ACYP2: variants seen among roughly 807,000 people sequenced by gnomAD.
The protein encoded by ACYP2 is acylphosphatase 2.
ACYP2 carries 12 observed loss-of-function variants against 11.2 expected under a neutral mutation model. The ratio of observed to expected loss-of-function variants is 1.08; its 90% CI spans 0.69 to 1.74. The LOEUF is 1.74. ACYP2 is among the 40% of genes most tolerant of loss of function. The pLI is 0.00. For synonymous variants in ACYP2, 43 were observed against 32.2 expected (o/e 1.33, Z -1.13); for missense variants, 134 against 101.9 (o/e 1.31, Z -1.35).
chr2:53,977,030 T>C (rs1218091391), intron 2 of ACYP2, among the ~76,000 whole-genome samples: 1 of 152,148 alleles, frequency 6.6e-6, no homozygotes, highest in East Asian at 1.9e-4. Flanking sequence ...TTTTACCTTC[T>C]CATTCTAATA....
chr2:54,037,600 A>G (rs1033856081), intron 2 of ACYP2, among the ~76,000 whole-genome samples: 5 of 150,500 alleles, frequency 3.3e-5, no homozygotes, highest in Non-Finnish European at 5.9e-5. Context: ...TAGAGATGAG[A>G]TCTCACAATG....
chr2:54,000,017 G>A (rs973080933), intron 2 of ACYP2, among the ~76,000 whole-genome samples: 3 of 151,898 alleles, frequency 2.0e-5, no homozygotes, highest in African/African-American at 7.3e-5. Context: ...CTTAAATAGG[G>A]TTGGGATTTT....
chr2:54,031,733 G>T (rs1433223171), intron 2 of ACYP2, among the ~76,000 whole-genome samples: 1 of 152,122 alleles, frequency 6.6e-6, no homozygotes, highest in Non-Finnish European at 1.5e-5. Context: ...CTAGTTTACA[G>T]TCCCACCAAC....
At chr2:54,273,490 G>C (rs1007699004) in intron 6 of ACYP2, among the ~76,000 whole-genome samples, 5 of 152,144 alleles carry the variant, frequency 3.3e-5, no homozygotes, top group Non-Finnish European at 5.9e-5. Context: ...GTTTTAGACA[G>C]ATTCTGGCTC....
intron 4 of ACYP2, among the ~76,000 whole-genome samples, chr2:54,124,261 G>A (rs990424806): frequency 6.6e-6 from 1 of 151,200 alleles, no homozygotes. Flanking sequence ...ATGGCGCGAT[G>A]TGGGCTCACC....
At chr2:54,245,643 T>G (rs1208949253) in intron 6 of ACYP2, among the ~76,000 whole-genome samples, 2 of 152,184 alleles carry the variant, frequency 1.3e-5, no homozygotes, top group African/African-American at 4.8e-5. Context: ...TCCATGTATT[T>G]TTTTGGATAA....
chr2:54,181,222 T>A (rs1038333889), intron 6 of ACYP2, among the ~76,000 whole-genome samples: 1 of 152,166 alleles, frequency 6.6e-6, no homozygotes, highest in African/African-American at 2.4e-5. Context: ...ACAAGATTAT[T>A]GTGAATTGTG....
At chr2:54,135,412 G>C in intron 4 of ACYP2, 41 bp from the exon 2 acceptor site, 1 of 1,593,600 alleles carries the variant, frequency 6.3e-7, no homozygotes, top group East Asian at 2.2e-5. Context: ...CCTTTTAAAG[G>C]AGGACAAGCT....
chr2:54,221,052 T>C (rs17045684), intron 6 of ACYP2, among the ~76,000 whole-genome samples: 5,690 of 152,324 alleles, frequency 0.037, 132 homozygotes, highest in Admixed American at 0.059. Context: ...TATGCTTGCA[T>C]GGTTTGGCTT....
At chr2:54,081,279 G>A (rs1161900640) in intron 4 of ACYP2, among the ~76,000 whole-genome samples, 1 of 152,100 alleles carries the variant, frequency 6.6e-6, no homozygotes, top group Non-Finnish European at 1.5e-5. Context: ...TAAAAAGCAC[G>A]GTGTATTTGT....
At chr2:54,140,179 T>A (rs143994501) in intron 6 of ACYP2, among the ~76,000 whole-genome samples, 1 of 152,188 alleles carries the variant, frequency 6.6e-6, no homozygotes, top group Non-Finnish European at 1.5e-5. Flanking sequence ...TTTGGGACTT[T>A]CGTTGTACAG....
intron 5 of ACYP2, among the ~76,000 whole-genome samples, chr2:54,136,916 C>T (rs1681278189): frequency 1.3e-5 from 2 of 151,998 alleles, no homozygotes; most frequent in Non-Finnish European, 2.9e-5. Context: ...GCAGAGGTTG[C>T]AGTGAGCCGA....
At chr2:53,974,995 T>C (rs1335838376) in intron 2 of ACYP2, among the ~76,000 whole-genome samples, 1 of 152,042 alleles carries the variant, frequency 6.6e-6, no homozygotes, top group Non-Finnish European at 1.5e-5. Flanking sequence ...TCTAGAAGAA[T>C]AGAAATGTTT....
intron 4 of ACYP2, among the ~76,000 whole-genome samples, chr2:54,076,832 A>C (rs1482132087): frequency 1.3e-5 from 2 of 152,164 alleles, no homozygotes; most frequent in Admixed American, 6.5e-5. Flanking sequence ...GAAAAAGATA[A>C]CACTTAGCAG....
chr2:54,108,374 T>C (rs1295552938), intron 4 of ACYP2, among the ~76,000 whole-genome samples: 1 of 152,186 alleles, frequency 6.6e-6, no homozygotes, highest in African/African-American at 2.4e-5. Context: ...ATGAAGTAGA[T>C]GAGTTATTTT....
At chr2:54,077,433 T>C (rs1231938573) in intron 4 of ACYP2, among the ~76,000 whole-genome samples, 1 of 152,238 alleles carries the variant, frequency 6.6e-6, no homozygotes, top group African/African-American at 2.4e-5. Flanking sequence ...GTTTGTGCAA[T>C]AAATTAATCT....
chr2:54,002,372 G>T (rs1412446902), intron 2 of ACYP2, among the ~76,000 whole-genome samples: 7 of 147,904 alleles, frequency 4.7e-5, no homozygotes, highest in African/African-American at 1.8e-4. Context: ...TTGAGACGGA[G>T]TCTTGCTCTG....
chr2:54,246,735 T>G (rs933586240), intron 6 of ACYP2, among the ~76,000 whole-genome samples: 3 of 152,178 alleles, frequency 2.0e-5, no homozygotes, highest in Admixed American at 2.0e-4. Context: ...ATCTAGGATG[T>G]TAAGTAATGG....
chr2:54,127,002 G>C (rs1338693325), intron 4 of ACYP2, among the ~76,000 whole-genome samples: 1 of 149,312 alleles, frequency 6.7e-6, no homozygotes, highest in Non-Finnish European at 1.5e-5. Flanking sequence ...TACAGTGAAA[G>C]ATTATAGGCA....
Sources: gnomAD v4.1 joint callset for allele counts (sites outside exome capture counted in the v4.1 genomes callset) on GRCh38, gnomAD v4.1.1 for gene constraint, MANE v1.5 for transcripts, NCBI Gene and HGNC (gene_info 2026-07-23, HGNC 2026-07-21) for gene names.